SPAG16: variants seen among roughly 807,000 people sequenced by gnomAD.
SPAG16 encodes the protein sperm associated antigen 16.
A neutral mutation model predicts 80.4 loss-of-function variants in SPAG16; 86 were observed. The observed-to-expected ratio is 1.07, with a 90% CI of 0.90 to 1.28. The LOEUF is 1.28. Among genes scored for constraint, SPAG16 ranks in the 50% most tolerant of loss-of-function variants. The pLI is 0.00. For missense variants in SPAG16, 870 were observed against 765.3 expected (o/e 1.14, Z -1.61); for synonymous variants, 294 against 265.9 (o/e 1.11, Z -1.03).
At chr2:214,071,764 G>A (rs1455419228) in intron 13 of SPAG16, among the ~76,000 whole-genome samples, 2 of 151,840 alleles carry the variant, frequency 1.3e-5, no homozygotes, top group African/African-American at 4.8e-5. Context: ...GTTCCCATTT[G>A]TTATATATAT....
At chr2:213,595,046 C>T (rs528581926) in intron 10 of SPAG16, among the ~76,000 whole-genome samples, 1 of 151,658 alleles carries the variant, frequency 6.6e-6, no homozygotes, top group Admixed American at 6.6e-5. Flanking sequence ...TAATGTTTTA[C>T]ACATTATGAA....
At chr2:213,631,644 T>A (rs2125083965) in intron 10 of SPAG16, among the ~76,000 whole-genome samples, 1 of 152,278 alleles carries the variant, frequency 6.6e-6, no homozygotes, top group Middle Eastern at 3.4e-3. Context: ...TTAATCCATT[T>A]TGATTTGATT....
intron 14 of SPAG16, among the ~76,000 whole-genome samples, chr2:214,145,356 G>C (rs1268143195): frequency 1.3e-5 from 2 of 151,906 alleles, no homozygotes. Context: ...AATTTCACTT[G>C]TTTCCATTTT....
chr2:214,189,103 G>T (rs1317320397), intron 15 of SPAG16, among the ~76,000 whole-genome samples: 1 of 152,094 alleles, frequency 6.6e-6, no homozygotes, highest in Non-Finnish European at 1.5e-5. Flanking sequence ...GTATTGCATA[G>T]ATTTGTGCAG....
intron 10 of SPAG16, among the ~76,000 whole-genome samples, chr2:213,492,539 G>A (rs1004183843): frequency 1.3e-5 from 2 of 151,666 alleles, no homozygotes; most frequent in African/African-American, 2.4e-5. Flanking sequence ...GACAGAGCGA[G>A]ACTCTGTCTC....
At chr2:213,796,449 C>T (rs921699732) in intron 10 of SPAG16, among the ~76,000 whole-genome samples, 5 of 152,240 alleles carry the variant, frequency 3.3e-5, no homozygotes, top group African/African-American at 9.6e-5. Flanking sequence ...AGTTCATTCA[C>T]GTTGTAACAT....
chr2:213,853,384 A>G (rs1009357311), intron 10 of SPAG16, among the ~76,000 whole-genome samples: 4 of 152,228 alleles, frequency 2.6e-5, no homozygotes, highest in Non-Finnish European at 5.9e-5. Context: ...AATTTCAATT[A>G]GAAAGGAGAG....
intron 10 of SPAG16, among the ~76,000 whole-genome samples, chr2:213,597,702 GA>G (rs138466801): frequency 6.6e-6 from 1 of 151,158 alleles, no homozygotes; most frequent in Non-Finnish European, 1.5e-5. Context: ...TTTCATTTAA[GA>G]AAAAAAAATT....
chr2:214,398,030 A>T (rs1320768196), intron 15 of SPAG16, among the ~76,000 whole-genome samples: 1 of 152,162 alleles, frequency 6.6e-6, no homozygotes, highest in Non-Finnish European at 1.5e-5. Context: ...CCAATAAGGG[A>T]AAATTTTTAC....
chr2:214,059,186 C>CGATATATATATATATATATATATA (rs2050102081), intron 13 of SPAG16, among the ~76,000 whole-genome samples: 4 of 114,378 alleles, frequency 3.5e-5, no homozygotes, highest in African/African-American at 1.4e-4. Flanking sequence ...CTCTCTCTGT[C>CGATATATATATATATATATATATA]TATATATATA....
intron 10 of SPAG16, among the ~76,000 whole-genome samples, chr2:213,518,243 T>G (rs2075519112): frequency 6.6e-6 from 1 of 152,196 alleles, no homozygotes; most frequent in African/African-American, 2.4e-5. Context: ...AAAACCATGA[T>G]GCAAAACCAT....
chr2:213,358,092 T>C (rs1321674661), intron 7 of SPAG16, among the ~76,000 whole-genome samples: 1 of 152,202 alleles, frequency 6.6e-6, no homozygotes, highest in African/African-American at 2.4e-5. Flanking sequence ...GCCCCCACTC[T>C]CTTCTGGCTT....
intron 10 of SPAG16, among the ~76,000 whole-genome samples, chr2:213,652,799 A>T (rs1442860860): frequency 6.6e-6 from 1 of 152,112 alleles, no homozygotes; most frequent in Admixed American, 6.6e-5. Context: ...CACACTCTCA[A>T]TCTATAGGTT....
At chr2:213,934,393 C>T (rs1159393010) in intron 12 of SPAG16, among the ~76,000 whole-genome samples, 1 of 152,160 alleles carries the variant, frequency 6.6e-6, no homozygotes, top group Admixed American at 6.5e-5. Flanking sequence ...CACTGCTGAA[C>T]CAAATGATGC....
intron 10 of SPAG16, among the ~76,000 whole-genome samples, chr2:213,855,675 C>T (rs1005131237): frequency 2.0e-4 from 30 of 152,132 alleles, no homozygotes; most frequent in African/African-American, 7.2e-4. Context: ...TGGCAGAAGG[C>T]ACCCCTTCAC....
chr2:214,045,957 C>A (rs1224044029), intron 13 of SPAG16, among the ~76,000 whole-genome samples: 1 of 151,616 alleles, frequency 6.6e-6, no homozygotes, highest in Non-Finnish European at 1.5e-5. Context: ...ATACTTTGAG[C>A]CAGACTAAGT....
intron 10 of SPAG16, among the ~76,000 whole-genome samples, chr2:213,655,587 A>G (rs2063192304): frequency 6.6e-6 from 1 of 152,188 alleles, no homozygotes; most frequent in South Asian, 2.1e-4. Flanking sequence ...TTGCAGGGGT[A>G]GTAACTGAAT....
At chr2:214,377,153 T>C (rs1700177646) in intron 15 of SPAG16, among the ~76,000 whole-genome samples, 1 of 152,186 alleles carries the variant, frequency 6.6e-6, no homozygotes, top group Admixed American at 6.6e-5. Flanking sequence ...CATGTGACAC[T>C]AACCATCTCC....
At chr2:213,712,985 A>T (rs1455526502) in intron 10 of SPAG16, among the ~76,000 whole-genome samples, 1 of 152,102 alleles carries the variant, frequency 6.6e-6, no homozygotes, top group East Asian at 1.9e-4. Flanking sequence ...TTGGGGAGGC[A>T]TCAGGAGGCC....
Sources: gnomAD v4.1 joint callset for allele counts (sites outside exome capture counted in the v4.1 genomes callset) on GRCh38, gnomAD v4.1.1 for gene constraint, MANE v1.5 for transcripts, NCBI Gene and HGNC (gene_info 2026-07-23, HGNC 2026-07-21) for gene names.